The following CCDC171 variants were observed in gnomAD, a reference collection of about 807,000 sequenced individuals.
The protein encoded by CCDC171 is coiled-coil domain-containing protein 171.
CCDC171 carries 177 observed loss-of-function variants against 168.2 expected under a neutral mutation model. That is an observed-to-expected ratio of 1.05 (90% CI 0.93 to 1.19). The LOEUF is 1.19. Among genes scored for constraint, CCDC171 ranks in the 50% most tolerant of loss-of-function variants. The probability of loss-of-function intolerance (pLI) is 0.00; values close to 1 mark genes in which losing one functional copy is unlikely to be tolerated. For missense variants in CCDC171, 1,991 were observed against 1,539.0 expected (o/e 1.29, Z -4.91); for synonymous variants, 687 against 540.8 (o/e 1.27, Z -3.75).
At chr9:15,708,715 T>A (rs1276623653) in intron 11 of CCDC171, among the ~76,000 whole-genome samples, 1 of 152,030 alleles carries the variant, frequency 6.6e-6, no homozygotes, top group African/African-American at 2.4e-5. Context: ...AGAGATAAAA[T>A]TTTCCCTATA....
intron 4 of CCDC171, among the ~76,000 whole-genome samples, chr9:15,580,016 A>G (rs1269463492): frequency 1.3e-5 from 2 of 152,236 alleles, no homozygotes; most frequent in Non-Finnish European, 2.9e-5. Context: ...TGGTATAAAA[A>G]CAGGCATGGA....
At chr9:15,960,083 G>T (rs1490445776) in intron 25 of CCDC171, among the ~76,000 whole-genome samples, 1 of 152,152 alleles carries the variant, frequency 6.6e-6, no homozygotes, top group Non-Finnish European at 1.5e-5. Context: ...GCAGGACAGG[G>T]AAGGACCAGG....
intron 21 of CCDC171, among the ~76,000 whole-genome samples, chr9:15,798,421 C>A (rs1341046131): frequency 6.6e-6 from 1 of 151,712 alleles, no homozygotes; most frequent in Non-Finnish European, 1.5e-5. Flanking sequence ...TTTATTATTT[C>A]CTTTTTTTTA....
chr9:16,103,399 C>T, the CCDC171 span, among the ~76,000 whole-genome samples: 27 of 152,314 alleles, frequency 1.8e-4, no homozygotes, highest in African/African-American at 6.5e-4. Context: ...GTGCTTTCCT[C>T]TCACTGCCAT....
chr9:15,729,878 T>A, intron 16 of CCDC171, 80 bp downstream of exon 16: 1 of 1,110,918 alleles, frequency 9.0e-7, no homozygotes, highest in Non-Finnish European at 1.3e-6. Flanking sequence ...TCAGTAGCAG[T>A]GCTAAATCAG....
intron 6 of CCDC171, among the ~76,000 whole-genome samples, chr9:16,025,430 G>T (rs1225448213): frequency 1.3e-5 from 2 of 152,166 alleles, no homozygotes; most frequent in African/African-American, 4.8e-5. Context: ...CTGCAGCCTA[G>T]CCTGGGTGAC....
At chr9:15,934,521 A>G (rs1826891527) in intron 25 of CCDC171, among the ~76,000 whole-genome samples, 1 of 152,032 alleles carries the variant, frequency 6.6e-6, no homozygotes, top group African/African-American at 2.4e-5. Flanking sequence ...CAAGCATTGC[A>G]AGGATATGGA....
chr9:15,635,131 A>G (rs1211229065), intron 7 of CCDC171, among the ~76,000 whole-genome samples: 1 of 152,136 alleles, frequency 6.6e-6, no homozygotes, highest in African/African-American at 2.4e-5. Context: ...GTTTGTTAGG[A>G]GAATTGACTT....
intron 3 of CCDC171, among the ~76,000 whole-genome samples, chr9:15,994,429 C>T (rs1417363367): frequency 1.3e-5 from 2 of 152,106 alleles, no homozygotes; most frequent in Non-Finnish European, 2.9e-5. Context: ...CACACCAGGC[C>T]TGTCATGGGG....
At chr9:15,608,425 A>T (rs972889458) in intron 6 of CCDC171, among the ~76,000 whole-genome samples, 1 of 152,304 alleles carries the variant, frequency 6.6e-6, no homozygotes, top group South Asian at 2.1e-4. Flanking sequence ...AAGTGGGTGT[A>T]ACAATTTCAA....
At chr9:16,095,055 A>G in the CCDC171 span, among the ~76,000 whole-genome samples, 1 of 152,136 alleles carries the variant, frequency 6.6e-6, no homozygotes, top group Non-Finnish European at 1.5e-5. Context: ...TGTGATTGTA[A>G]GTTTCCTGAG....
At chr9:16,096,973 A>C in the CCDC171 span, among the ~76,000 whole-genome samples, 1 of 152,194 alleles carries the variant, frequency 6.6e-6, no homozygotes, top group African/African-American at 2.4e-5. Flanking sequence ...GAGAAAATGG[A>C]AGGAAAGGAG....
intron 6 of CCDC171, among the ~76,000 whole-genome samples, chr9:16,026,538 T>C (rs573674435): frequency 1.3e-5 from 2 of 152,256 alleles, no homozygotes; most frequent in South Asian, 4.1e-4. Context: ...TAACCTATTC[T>C]TGGACCTTGA....
intron 24 of CCDC171, among the ~76,000 whole-genome samples, chr9:15,895,698 GCTT>G (rs1589031995): frequency 1.3e-5 from 2 of 152,188 alleles, no homozygotes; most frequent in Admixed American, 6.5e-5. Flanking sequence ...ATGAAGTTAA[GCTT>G]CTTCTTGTTT....
intron 18 of CCDC171, among the ~76,000 whole-genome samples, chr9:15,757,674 C>T (rs1283641698): frequency 6.6e-6 from 1 of 152,188 alleles, no homozygotes; most frequent in African/African-American, 2.4e-5. Context: ...GGAAGCCCTT[C>T]CCATCACAGG....
At chr9:15,696,046 C>G (rs2051188069) in intron 11 of CCDC171, among the ~76,000 whole-genome samples, 1 of 152,200 alleles carries the variant, frequency 6.6e-6, no homozygotes, top group South Asian at 2.1e-4. Context: ...TTTTCTACCT[C>G]AGTTTTCTTT....
intron 7 of CCDC171, among the ~76,000 whole-genome samples, chr9:15,647,225 C>T (rs1158936797): frequency 2.6e-5 from 4 of 151,888 alleles, no homozygotes; most frequent in Non-Finnish European, 5.9e-5. Flanking sequence ...CACAACATAC[C>T]AGAATCTCTG....
the CCDC171 span, among the ~76,000 whole-genome samples, chr9:16,095,966 C>T: frequency 6.7e-6 from 1 of 148,862 alleles, no homozygotes; most frequent in Non-Finnish European, 1.5e-5. Flanking sequence ...GCTTAGTAGG[C>T]ATTTGATAAA....
intron 3 of CCDC171, among the ~76,000 whole-genome samples, chr9:15,983,128 C>T (rs1235591354): frequency 2.0e-5 from 3 of 152,132 alleles, no homozygotes; most frequent in Non-Finnish European, 4.4e-5. Context: ...TGGTTATCCT[C>T]CTACTTTTTT....
Sources: gnomAD v4.1 joint callset for allele counts (sites outside exome capture counted in the v4.1 genomes callset) on GRCh38, gnomAD v4.1.1 for gene constraint, MANE v1.5 for transcripts, NCBI Gene and HGNC (gene_info 2026-07-23, HGNC 2026-07-21) for gene names.